RIMS2: variants seen among roughly 807,000 people sequenced by gnomAD.
The protein encoded by RIMS2 is regulating synaptic membrane exocytosis 2, also known as regulating synaptic membrane exocytosis protein 2.
Under a neutral mutation model 174.4 loss-of-function variants are expected in RIMS2, and 59 were observed. The observed-to-expected ratio is 0.34, with a 90% CI of 0.27 to 0.42. The LOEUF (loss-of-function observed/expected upper bound fraction) is 0.42. Ranked by LOEUF, RIMS2 falls within the 10% of genes least tolerant of loss-of-function variation. The pLI is 1.00. For missense variants in RIMS2, 1,620 were observed against 1,666.3 expected (o/e 0.97, Z 0.48); for synonymous variants, 606 against 572.5 (o/e 1.06, Z -0.84).
intron 15 of RIMS2, among the ~76,000 whole-genome samples, chr8:103,968,765 G>A (rs759764351): frequency 1.2e-4 from 18 of 151,822 alleles, no homozygotes; most frequent in Admixed American, 2.0e-4. Context: ...AAAAATACAA[G>A]CTTTTGATTT....
At chr8:103,795,321 A>C (rs1393429779) in intron 3 of RIMS2, among the ~76,000 whole-genome samples, 1 of 151,910 alleles carries the variant, frequency 6.6e-6, no homozygotes, top group Non-Finnish European at 1.5e-5. Flanking sequence ...TTCTGAGCAA[A>C]CTGTCGCAAG....
chr8:103,957,638 AG>A (rs1298269884), intron 14 of RIMS2, among the ~76,000 whole-genome samples: 1 of 152,180 alleles, frequency 6.6e-6, no homozygotes, highest in Non-Finnish European at 1.5e-5. Flanking sequence ...GGATAGCATT[AG>A]GAGAAATACC....
chr8:103,926,384 T>C (rs758392915), intron 10 of RIMS2, among the ~76,000 whole-genome samples: 10 of 151,652 alleles, frequency 6.6e-5, no homozygotes, highest in Non-Finnish European at 1.0e-4. Context: ...AATATTTCTT[T>C]CTTCCTTTGG....
intron 1 of RIMS2, among the ~76,000 whole-genome samples, chr8:103,612,084 C>T (rs551508977): frequency 6.6e-6 from 1 of 152,270 alleles, no homozygotes; most frequent in East Asian, 1.9e-4. Context: ...ATGCATTCTT[C>T]AGCATGTCAG....
chr8:103,843,847 A>G (rs1220226683), intron 3 of RIMS2, among the ~76,000 whole-genome samples: 2 of 151,906 alleles, frequency 1.3e-5, no homozygotes, highest in South Asian at 2.1e-4. Context: ...TTTTTTTGGC[A>G]TGATTTGAAT....
At chr8:103,927,214 A>G (rs778597248) in intron 10 of RIMS2, among the ~76,000 whole-genome samples, 2 of 151,522 alleles carry the variant, frequency 1.3e-5, no homozygotes, top group Non-Finnish European at 3.0e-5. Flanking sequence ...TAAATATCTG[A>G]TGATGGTGTT....
chr8:103,652,777 T>A, intron 1 of RIMS2, 67 bp downstream of exon 3: 12 of 946,466 alleles, frequency 1.3e-5, no homozygotes, highest in Non-Finnish European at 1.5e-5. Flanking sequence ...AAAGTATGTG[T>A]TAAAATACTG....
At chr8:104,053,368 A>T (rs1328409569) in intron 19 of RIMS2, among the ~76,000 whole-genome samples, 3 of 152,182 alleles carry the variant, frequency 2.0e-5, no homozygotes, top group Non-Finnish European at 2.9e-5. Context: ...TTCTAGCTGC[A>T]ATAGGTCCCA....
At chr8:104,142,069 C>T (rs1165629603) in intron 19 of RIMS2, among the ~76,000 whole-genome samples, 1 of 151,524 alleles carries the variant, frequency 6.6e-6, no homozygotes, top group African/African-American at 2.4e-5. Flanking sequence ...GCTACATAGC[C>T]TACTACTTTT....
At chr8:103,971,956 C>G (rs2092931455) in intron 15 of RIMS2, among the ~76,000 whole-genome samples, 1 of 152,084 alleles carries the variant, frequency 6.6e-6, no homozygotes, top group South Asian at 2.1e-4. Flanking sequence ...TTCATCTAGT[C>G]ACAAAATGTT....
intron 1 of RIMS2, among the ~76,000 whole-genome samples, chr8:103,595,021 T>G (rs2094431494): frequency 6.6e-6 from 1 of 151,814 alleles, no homozygotes; most frequent in Admixed American, 6.6e-5. Context: ...AAGATTATGT[T>G]CTGTGAGTAG....
intron 19 of RIMS2, among the ~76,000 whole-genome samples, chr8:104,103,332 T>C (rs1262791093): frequency 6.6e-6 from 1 of 152,190 alleles, no homozygotes; most frequent in Non-Finnish European, 1.5e-5. Context: ...ACTTTGTGAA[T>C]GTTCTAAAAG....
In RIMS2 at chr8:104,080,205, A is replaced by G. The variant is rs115508789; in HGVS notation, c.3334+65590A>G. Among the ~76,000 whole-genome samples, 1,295 of 152,116 alleles carry G rather than the reference A, an allele frequency of 8.5e-3. 23 individuals are homozygous for G. The highest frequency in any genetic ancestry group is 0.03 in the African/African-American group (1,232 of 41,564). ...TTCACAACTCAACTTTTTTCTATCT[A>G]CAAATTGAAGGAACCTTATAAAGTG... On this transcript the variant is annotated intron_variant, in intron 19 of 23. Coordinates refer to ENST00000504942, the Ensembl canonical transcript of RIMS2.
At chr8:103,607,157 G>T (rs1288239204) in intron 1 of RIMS2, among the ~76,000 whole-genome samples, 1 of 152,108 alleles carries the variant, frequency 6.6e-6, no homozygotes. Flanking sequence ...TCCTTTCCAT[G>T]TGTAGTGCTT....
At chr8:103,572,493 C>T (rs1275366415) in intron 1 of RIMS2, among the ~76,000 whole-genome samples, 1 of 152,036 alleles carries the variant, frequency 6.6e-6, no homozygotes, top group Non-Finnish European at 1.5e-5. Flanking sequence ...TCTACAGGGG[C>T]TGAACTAATG....
chr8:103,812,766 T>C (rs2098696962), intron 3 of RIMS2, among the ~76,000 whole-genome samples: 1 of 152,168 alleles, frequency 6.6e-6, no homozygotes, highest in African/African-American at 2.4e-5. Context: ...TTATATGTTA[T>C]CCCTGAGGTG....
chr8:103,623,641 C>A (rs541429273), intron 1 of RIMS2, among the ~76,000 whole-genome samples: 4 of 146,938 alleles, frequency 2.7e-5, no homozygotes, highest in Admixed American at 6.7e-5. Flanking sequence ...CCCGCCACCA[C>A]GCCCGGCTAA....
chr8:104,009,032 T>A (rs2154553257), intron 17 of RIMS2, among the ~76,000 whole-genome samples: 1 of 152,168 alleles, frequency 6.6e-6, no homozygotes, highest in Non-Finnish European at 1.5e-5. Context: ...GCTAAAATAA[T>A]GAGCTAGAAT....
exon 4 of RIMS2, chr8:103,885,643 C>T: frequency 1.2e-6 from 2 of 1,612,982 alleles, no homozygotes. Context: ...AGCCACAACC[C>T]TATGAAGAAC....
Sources: allele counts gnomAD v4.1 joint callset (sites outside exome capture counted in the v4.1 genomes callset), GRCh38; gene constraint gnomAD v4.1.1; transcripts MANE v1.5; gene names NCBI Gene and HGNC (gene_info 2026-07-23, HGNC 2026-07-21).